The following AQP9 variants were observed in gnomAD, a reference collection of about 807,000 sequenced individuals.
The protein encoded by AQP9 is aquaporin-9.
A neutral mutation model predicts 23.8 loss-of-function variants in AQP9; 19 were observed. The observed-to-expected ratio is 0.80, with a 90% CI of 0.56 to 1.17. The LOEUF (loss-of-function observed/expected upper bound fraction) is 1.17, where lower values mean the gene tolerates loss of function less well. Ranked by LOEUF, AQP9 falls within the 50% of genes most tolerant of loss-of-function variation. AQP9 has a pLI of 0.00. For synonymous variants in AQP9, 153 were observed against 131.5 expected (o/e 1.16, Z -1.12); for missense variants, 413 against 362.0 (o/e 1.14, Z -1.14).
chr15:58,166,918 T>C lies in AQP9; in HGVS notation c.238+119T>C, dbSNP rs17848103. The C allele has an allele frequency of 3.8e-3, 4,891 of 1,287,954 alleles. 264 individuals are homozygous for C. The East Asian group carries it at 0.11, about 29-fold the overall frequency. 79.8% of individuals were successfully genotyped at this position (1,287,954 alleles called of 1,614,324 possible). A position where few individuals can be genotyped will look rare whatever the true frequency, so the allele number is the denominator to read the frequency against. On this transcript the variant is annotated intron_variant, in intron 2 of 5. Transcript: ENST00000219919. ...ATCTCAAAAATCCTGCAAGAGTGTG[T>C]ATTGGATCCCATTTTTATAGATAAA...
chr15:58,164,419 TAAAATGTCAGTTCA>T (rs1388406414), intron 1 of AQP9, among the ~76,000 whole-genome samples: 1 of 152,222 alleles, frequency 6.6e-6, no homozygotes, highest in Non-Finnish European at 1.5e-5. Context: ...GAGATACTAC[TAAAATGTCAGTTCA>T]CCTGGAAGTT....
chr15:58,138,672 T>C lies in AQP9; in HGVS notation c.107T>C (p.Leu36Ser), dbSNP rs1228740558. The change falls in exon 1 of 6, where the codon TTG (leucine) becomes TCG (serine). Residue 36 changes from leucine to serine, a missense_variant. Transcript: ENST00000219919. ...TCTGAGTTCTTGGGCACGTTCATCT[T>C]GATTGTAAGTATTTCCTGATTTCCT... Reference protein sequence around the residue: ...TLSEFLGTFILIVLGCGCVAQ... With the variant: ...TLSEFLGTFISIVLGCGCVAQ... 1.2e-6 allele frequency: 2 copies of C among 1,613,382 alleles called. No homozygotes were observed.
chr15:58,168,454 G>A (rs747991611), intron 2 of AQP9, among the ~76,000 whole-genome samples: 19 of 152,150 alleles, frequency 1.2e-4, no homozygotes, highest in Non-Finnish European at 2.2e-4. Flanking sequence ...CACTGCCTTT[G>A]TAGCACTGAA....
At chr15:58,178,303 A>G (rs1425549106) in intron 4 of AQP9, among the ~76,000 whole-genome samples, 1 of 152,224 alleles carries the variant, frequency 6.6e-6, no homozygotes, top group African/African-American at 2.4e-5. Context: ...TTTAAATATT[A>G]CTACATAGCT....
chr15:58,151,782 G>A (rs766535657), intron 1 of AQP9: 11 of 152,014 alleles, frequency 7.2e-5, no homozygotes, highest in Non-Finnish European at 1.3e-4. Flanking sequence ...CTTCACCTAT[G>A]ACTCCCCAAA....
At position 58,185,221 on chromosome 15, in the gene AQP9, G is replaced by A. The variant is rs1403573218; in HGVS notation, c.*1086G>A. On this transcript the variant is annotated 3_prime_UTR_variant, in exon 6 of 6. Coordinates refer to ENST00000219919, the MANE Select transcript of AQP9 (RefSeq NM_020980.5). ...GATAAAGAAACAAAATCTTAGGGAA[G>A]ATAAGTTGAGTTGTCCAAGAGCACA... is the stretch of plus-strand genomic sequence containing the variant. 1 of 152,590 alleles carries A rather than the reference G, an allele frequency of 6.6e-6. No homozygotes were observed. The allele number at this position is 152,590 out of a possible 1,614,324, so 9.5% of individuals were successfully genotyped here. A position where few individuals can be genotyped will look rare whatever the true frequency, so the allele number is the denominator to read the frequency against.
intron 3 of AQP9, 36 bp from the exon 4 acceptor site, chr15:58,174,882 G>A: frequency 6.3e-7 from 1 of 1,575,868 alleles, no homozygotes; most frequent in Non-Finnish European, 8.7e-7. Context: ...ACTCTTCCCA[G>A]GGAACACTAA....
At chr15:58,166,010 A>G (rs1458638406) in intron 1 of AQP9, among the ~76,000 whole-genome samples, 2 of 152,208 alleles carry the variant, frequency 1.3e-5, no homozygotes, top group African/African-American at 4.8e-5. Context: ...TTTCTTGTAC[A>G]TCAGACATTT....
In AQP9 at chr15:58,138,642, C is replaced by A. The variant is rs757843275; in HGVS notation, c.77C>A (p.Thr26Asn). The A allele has an allele frequency of 1.4e-5, 23 of 1,613,694 alleles. No individual in the cohort carries two copies. The Admixed American group carries it at 1.8e-4, about 13-fold the overall frequency. ...TTGAAGAGCAGCTTAGCGAAAGAAA[C>A]CCTCTCTGAGTTCTTGGGCACGTTC... is the stretch of plus-strand genomic sequence containing the variant. ...LVLKSSLAKE[T>N]LSEFLGTFIL... is the part of the protein sequence containing the mutation. The change falls in exon 1 of 6, where the codon ACC becomes AAC. Residue 26 changes from threonine to asparagine, a missense_variant. Coordinates refer to ENST00000219919, the MANE Select transcript of AQP9 (RefSeq NM_020980.5).
intron 1 of AQP9, chr15:58,154,204 C>A (rs1390066502): frequency 6.6e-6 from 1 of 152,118 alleles, no homozygotes; most frequent in Non-Finnish European, 1.5e-5. Flanking sequence ...TCCCCCAACT[C>A]AAGTCTATTT....
chr15:58,145,348 C>G (rs1438153447), intron 1 of AQP9, among the ~76,000 whole-genome samples: 2 of 151,862 alleles, frequency 1.3e-5, no homozygotes, highest in African/African-American at 4.8e-5. Context: ...ACTAAAAACA[C>G]AAAAATTAGC....
chr15:58,174,911 T>C lies in AQP9; in HGVS notation c.377-7T>C. On this transcript the variant is annotated splice_polypyrimidine_tract_variant and splice_region_variant and intron_variant, in intron 3 of 5. Coordinates refer to ENST00000219919, the MANE Select transcript of AQP9 (RefSeq NM_020980.5). ...ACACTAATGTGCCAGAGCTTTCTCT[T>C]TCATAGATGGACTTATGTCCTTTGC... 4 of 1,612,414 alleles carry C rather than the reference T, an allele frequency of 2.5e-6. No individual in the cohort carries two copies. The highest frequency in any genetic ancestry group is 3.4e-6 in the Non-Finnish European group (4 of 1,178,358).
intron 1 of AQP9, among the ~76,000 whole-genome samples, chr15:58,160,115 A>T (rs555481367): frequency 6.6e-6 from 1 of 152,184 alleles, no homozygotes; most frequent in African/African-American, 2.4e-5. Context: ...ATTAGTTTAC[A>T]TTCCTAACAA....
intron 1 of AQP9, among the ~76,000 whole-genome samples, chr15:58,142,864 G>A (rs1256025867): frequency 6.6e-6 from 1 of 152,120 alleles, no homozygotes; most frequent in African/African-American, 2.4e-5. Context: ...CATGGAGCTA[G>A]AGCTGTCAGT....
chr15:58,139,447 C>G (rs1055896949), intron 1 of AQP9, among the ~76,000 whole-genome samples: 8 of 152,172 alleles, frequency 5.3e-5, no homozygotes, highest in South Asian at 2.1e-4. Flanking sequence ...TTCTAGCATT[C>G]TCTGTATCCT....
chr15:58,157,212 T>G (rs1328365684), intron 1 of AQP9, among the ~76,000 whole-genome samples: 1 of 152,238 alleles, frequency 6.6e-6, no homozygotes, highest in Non-Finnish European at 1.5e-5. Flanking sequence ...CAAGAAGACC[T>G]GCAGCAGGGT....
At chr15:58,158,832 T>C (rs1379487399) in intron 1 of AQP9, among the ~76,000 whole-genome samples, 1 of 152,182 alleles carries the variant, frequency 6.6e-6, no homozygotes, top group Admixed American at 6.5e-5. Context: ...CTTGCGGTAA[T>C]TCTAAGGTTC....
At chr15:58,142,626 C>T (rs1227783269) in intron 1 of AQP9, among the ~76,000 whole-genome samples, 1 of 152,102 alleles carries the variant, frequency 6.6e-6, no homozygotes, top group African/African-American at 2.4e-5. Flanking sequence ...CTGTGTTTTT[C>T]CTCTAGTATT....
intron 1 of AQP9, among the ~76,000 whole-genome samples, chr15:58,156,301 CATGA>C (rs1340580130): frequency 6.6e-6 from 1 of 152,128 alleles, no homozygotes; most frequent in African/African-American, 2.4e-5. Flanking sequence ...CTGTTAATCC[CATGA>C]ATAATATATT....
Sources: gnomAD v4.1 joint callset for allele counts (sites outside exome capture counted in the v4.1 genomes callset) on GRCh38, gnomAD v4.1.1 for gene constraint, MANE v1.5 for transcripts, NCBI Gene and HGNC (gene_info 2026-07-23, HGNC 2026-07-21) for gene names.